The following EPHA6 variants were observed in gnomAD, a reference collection of about 807,000 sequenced individuals.
The protein encoded by EPHA6 is EPH receptor A6.
A neutral mutation model predicts 112.0 loss-of-function variants in EPHA6; 50 were observed. The ratio of observed to expected loss-of-function variants is 0.45; its 90% CI spans 0.36 to 0.56. The LOEUF (loss-of-function observed/expected upper bound fraction) is 0.56. EPHA6 is among the 20% of genes least tolerant of loss of function. The probability of loss-of-function intolerance (pLI) is 0.00; values close to 1 mark genes in which losing one functional copy is unlikely to be tolerated. For synonymous variants in EPHA6, 529 were observed against 490.7 expected (o/e 1.08, Z -1.03); for missense variants, 1,280 against 1,417.4 (o/e 0.90, Z 1.56).
intron 11 of EPHA6, among the ~76,000 whole-genome samples, chr3:97,571,912 A>C (rs900464157): frequency 2.0e-5 from 3 of 152,214 alleles, no homozygotes; most frequent in Non-Finnish European, 4.4e-5. Context: ...CCATCATTGC[A>C]ATGTATAGCA....
chr3:97,232,839 G>A (rs1322982813), intron 4 of EPHA6, among the ~76,000 whole-genome samples: 2 of 152,220 alleles, frequency 1.3e-5, no homozygotes, highest in South Asian at 4.1e-4. Context: ...CTTGGGGCTG[G>A]CTGTCTTCAT....
intron 3 of EPHA6, among the ~76,000 whole-genome samples, chr3:97,218,700 G>C (rs1384419930): frequency 6.6e-6 from 1 of 152,056 alleles, no homozygotes; most frequent in East Asian, 1.9e-4. Context: ...TTCTGTCCCT[G>C]GCCCCACCCA....
At chr3:97,459,057 A>G (rs374654893) in intron 7 of EPHA6, among the ~76,000 whole-genome samples, 5 of 152,196 alleles carry the variant, frequency 3.3e-5, no homozygotes, top group African/African-American at 1.2e-4. Flanking sequence ...CTTAAAGGAA[A>G]CTTGAAGGTT....
At chr3:97,611,155 C>T (rs1380479424) in intron 13 of EPHA6, among the ~76,000 whole-genome samples, 1 of 151,594 alleles carries the variant, frequency 6.6e-6, no homozygotes, top group African/African-American at 2.4e-5. Flanking sequence ...TTAAATGAAA[C>T]TCAATTGCCT....
chr3:97,448,351 ATCATC>A (rs1285083514), intron 6 of EPHA6, among the ~76,000 whole-genome samples: 2 of 152,136 alleles, frequency 1.3e-5, no homozygotes, highest in South Asian at 4.1e-4. Context: ...TATAAGACTA[ATCATC>A]TTTCTTAATA....
chr3:97,340,259 C>G (rs1424471700), intron 5 of EPHA6, among the ~76,000 whole-genome samples: 1 of 152,104 alleles, frequency 6.6e-6, no homozygotes, highest in East Asian at 1.9e-4. Context: ...TTTTGTACTC[C>G]CACAACCACC....
chr3:97,495,186 A>G (rs935032441), intron 10 of EPHA6, among the ~76,000 whole-genome samples: 1 of 151,976 alleles, frequency 6.6e-6, no homozygotes. Flanking sequence ...GCCTATTTCT[A>G]TACTTGTCAA....
chr3:97,489,265 C>T (rs2091774990), intron 10 of EPHA6, among the ~76,000 whole-genome samples: 2 of 152,108 alleles, frequency 1.3e-5, no homozygotes, highest in Admixed American at 6.5e-5. Flanking sequence ...ACAGTCAATG[C>T]CTTAGGTAAC....
At chr3:97,444,437 A>C (rs1277200763) in intron 6 of EPHA6, among the ~76,000 whole-genome samples, 1 of 152,168 alleles carries the variant, frequency 6.6e-6, no homozygotes, top group Non-Finnish European at 1.5e-5. Flanking sequence ...CATTTCTGAC[A>C]TTAAAAAAAT....
chr3:97,274,800 TC>T (rs1384475689), intron 5 of EPHA6, among the ~76,000 whole-genome samples: 1 of 152,052 alleles, frequency 6.6e-6, no homozygotes, highest in African/African-American at 2.4e-5. Flanking sequence ...ATCAGGTGGA[TC>T]AGAGAGATAC....
intron 3 of EPHA6, among the ~76,000 whole-genome samples, chr3:97,203,217 G>A (rs952904979): frequency 6.6e-6 from 1 of 152,234 alleles, no homozygotes; most frequent in Admixed American, 6.6e-5. Flanking sequence ...TCAAAATTAT[G>A]TTGTAAGGTG....
chr3:97,608,347 T>A (rs2093694647), intron 12 of EPHA6, among the ~76,000 whole-genome samples: 1 of 151,444 alleles, frequency 6.6e-6, no homozygotes, highest in East Asian at 1.9e-4. Flanking sequence ...GATCAGATCT[T>A]GTTGAAATAC....
At chr3:97,380,846 A>G (rs1480990357) in intron 5 of EPHA6, among the ~76,000 whole-genome samples, 2 of 152,182 alleles carry the variant, frequency 1.3e-5, no homozygotes, top group East Asian at 3.8e-4. Flanking sequence ...TCCCATAATT[A>G]AAACAACATC....
chr3:97,438,491 T>C (rs1443214175), intron 6 of EPHA6, among the ~76,000 whole-genome samples: 1 of 152,212 alleles, frequency 6.6e-6, no homozygotes, highest in African/African-American at 2.4e-5. Flanking sequence ...AACAAACTTT[T>C]AATTGCTCTA....
chr3:97,047,750 A>T lies in EPHA6; in HGVS notation c.1114+59757A>T, dbSNP rs557478964. ...GAGTACTAAATAAGTGGATTGTATA[A>T]CTTCAGTTGGAATGAAAGAAGCAAT... On this transcript the variant is annotated intron_variant, in intron 3 of 17. Transcript: ENST00000389672. 1.1e-4 allele frequency among the ~76,000 whole-genome samples: 17 copies of T among 152,156 alleles called. 1 individual carries two copies. The East Asian group carries it at 3.3e-3, about 29-fold the overall frequency.
At chr3:96,881,475 G>A (rs1185025069) in intron 2 of EPHA6, among the ~76,000 whole-genome samples, 1 of 152,108 alleles carries the variant, frequency 6.6e-6, no homozygotes, top group African/African-American at 2.4e-5. Flanking sequence ...CCGTATGGGG[G>A]AAACTGACTC....
At chr3:96,957,782 G>A (rs1418428364) in intron 2 of EPHA6, among the ~76,000 whole-genome samples, 4 of 152,080 alleles carry the variant, frequency 2.6e-5, no homozygotes, top group Non-Finnish European at 1.5e-5. Context: ...TTATATGTTT[G>A]TTTTTACTTA....
At chr3:97,010,080 A>G in intron 3 of EPHA6, 1 of 1,288,566 alleles carries the variant, frequency 7.8e-7, no homozygotes, top group Non-Finnish European at 1.0e-6. Flanking sequence ...GAATAAAAGA[A>G]AAAGCAAAAG....
rs1293413433 is a variant in EPHA6 at position 97,676,739 on chromosome 3, T to C, written c.2784+38657T>C. On this transcript the variant is annotated intron_variant, in intron 14 of 17. Transcript: ENST00000389672. ...TGGATTTAGATGGGAGTATGAACTGTTTATCTCTAGTACTGGAAGGAAATA... is the reference window on the plus strand; with the variant it reads ...TGGATTTAGATGGGAGTATGAACTGCTTATCTCTAGTACTGGAAGGAAATA... Among the ~76,000 whole-genome samples, 4 of 152,174 alleles carry C rather than the reference T, an allele frequency of 2.6e-5. No individual in the cohort carries two copies. The East Asian group carries it at 7.7e-4, about 29-fold the overall frequency.
Sources: allele counts gnomAD v4.1 joint callset (sites outside exome capture counted in the v4.1 genomes callset), GRCh38; gene constraint gnomAD v4.1.1; transcripts MANE v1.5; gene names NCBI Gene and HGNC (gene_info 2026-07-23, HGNC 2026-07-21).